MARCHF8: variants seen among roughly 807,000 people sequenced by gnomAD.
The protein encoded by MARCHF8 is E3 ubiquitin-protein ligase MARCHF8.
A neutral mutation model predicts 51.6 loss-of-function variants in MARCHF8; 40 were observed. The ratio of observed to expected loss-of-function variants is 0.77; its 90% CI spans 0.60 to 1.01. The LOEUF (loss-of-function observed/expected upper bound fraction) is 1.01, where lower values mean the gene tolerates loss of function less well. MARCHF8 is among the 50% of genes least tolerant of loss of function. The pLI is 0.00. For synonymous variants in MARCHF8, 263 were observed against 280.3 expected (o/e 0.94, Z 0.62); for missense variants, 685 against 708.6 (o/e 0.97, Z 0.38).
intron 2 of MARCHF8, among the ~76,000 whole-genome samples, chr10:45,507,139 G>A (rs12764485): frequency 0.062 from 9,368 of 152,180 alleles, 327 homozygotes; most frequent in Non-Finnish European, 0.066. Context: ...AGTTACTTTG[G>A]CTAAAAGTTA....
At chr10:45,536,755 G>A (rs1169170365), upstream of MARCHF8, among the ~76,000 whole-genome samples, 5 of 150,890 alleles carry the variant, frequency 3.3e-5, no homozygotes, top group Admixed American at 1.3e-4. Context: ...CAGCATTTTC[G>A]GAGGCTGAGG....
At chr10:45,585,620 A>G (rs552065195) in intron 1 of MARCHF8, among the ~76,000 whole-genome samples, 1 of 152,338 alleles carries the variant, frequency 6.6e-6, no homozygotes, top group African/African-American at 2.4e-5. Context: ...CTCTGGGAAC[A>G]TAACAGAATG....
chr10:45,529,542 G>A (rs12775527), intron 2 of MARCHF8, among the ~76,000 whole-genome samples: 8,486 of 152,176 alleles, frequency 0.056, 288 homozygotes, highest in Non-Finnish European at 0.066. Context: ...ACAATCTACA[G>A]AACAGGAGAA....
chr10:45,495,116 A>G (rs2043149239), intron 2 of MARCHF8, among the ~76,000 whole-genome samples: 1 of 151,076 alleles, frequency 6.6e-6, no homozygotes, highest in Admixed American at 6.6e-5. Context: ...GCAAAACTCC[A>G]TCTCAAAAAA....
At chr10:45,512,215 G>A (rs1396414254) in intron 2 of MARCHF8, among the ~76,000 whole-genome samples, 6 of 149,872 alleles carry the variant, frequency 4.0e-5, no homozygotes, top group African/African-American at 9.9e-5. Context: ...CAACCGCCCC[G>A]TCTGAGAAGT....
chr10:45,528,029 G>C (rs778658402), intron 2 of MARCHF8, among the ~76,000 whole-genome samples: 4 of 152,084 alleles, frequency 2.6e-5, no homozygotes, highest in Non-Finnish European at 5.9e-5. Context: ...TACAGAAAAA[G>C]CATTTGATAA....
At chr10:45,525,079 G>A (rs970136358) in intron 2 of MARCHF8, among the ~76,000 whole-genome samples, 2 of 152,210 alleles carry the variant, frequency 1.3e-5, no homozygotes, top group African/African-American at 4.8e-5. Context: ...TAAAAGTGTG[G>A]TGATTCTGTC....
At chr10:45,553,833 G>GCACA (rs10597890) in intron 1 of MARCHF8, among the ~76,000 whole-genome samples, 48 of 150,832 alleles carry the variant, frequency 3.2e-4, no homozygotes, top group Admixed American at 1.3e-3. Flanking sequence ...GCATGGACAT[G>GCACA]CACACACACA....
chr10:45,564,811 A>C (rs936700940), intron 1 of MARCHF8, among the ~76,000 whole-genome samples: 7 of 152,088 alleles, frequency 4.6e-5, no homozygotes, highest in Non-Finnish European at 8.8e-5. Flanking sequence ...TCAGAAAAAG[A>C]AGCCAGGAAG....
At chr10:45,542,876 A>C (rs1221121608) in intron 1 of MARCHF8, among the ~76,000 whole-genome samples, 7 of 152,230 alleles carry the variant, frequency 4.6e-5, no homozygotes, top group Non-Finnish European at 8.8e-5. Flanking sequence ...GATAATAAAT[A>C]AAGAGGTTAC....
chr10:45,464,611 G>T (rs150285898), intron 3 of MARCHF8, among the ~76,000 whole-genome samples: 34 of 152,332 alleles, frequency 2.2e-4, no homozygotes, highest in African/African-American at 6.3e-4. Flanking sequence ...TCTAAATTGA[G>T]TTAGTTCATA....
intron 2 of MARCHF8, among the ~76,000 whole-genome samples, chr10:45,526,418 G>A (rs1190550246): frequency 2.0e-5 from 3 of 152,110 alleles, no homozygotes; most frequent in African/African-American, 2.4e-5. Flanking sequence ...CTTGACCCTC[G>A]CAGGTCTCCA....
At chr10:45,574,560 T>A (rs2044467906) in intron 1 of MARCHF8, among the ~76,000 whole-genome samples, 1 of 152,180 alleles carries the variant, frequency 6.6e-6, no homozygotes, top group Non-Finnish European at 1.5e-5. Flanking sequence ...ACCTGGGCTG[T>A]ACTGCCACAA....
chr10:45,508,039 T>A (rs967567411), intron 2 of MARCHF8, among the ~76,000 whole-genome samples: 6 of 152,150 alleles, frequency 3.9e-5, no homozygotes, highest in Non-Finnish European at 8.8e-5. Context: ...ACAATGTCCT[T>A]GATTAAATAT....
chr10:45,484,075 T>C lies in MARCHF8; in HGVS notation c.153+5292A>G, dbSNP rs140144695. Among the ~76,000 whole-genome samples the C allele has an allele frequency of 4.4e-3, 670 of 152,252 alleles. 4 individuals are homozygous for C. Among genetic ancestry groups the C allele is most frequent in the African/African-American group, 0.015 (639 of 41,544 alleles). On this transcript the variant is annotated intron_variant, in intron 3 of 7. Transcript: ENST00000453424. ...AGAGGTTTAAATTGTTTCTGACACA[T>C]AGACATGATAAATATTCACAGTGAG... is the stretch of plus-strand genomic sequence containing the variant.
At chr10:45,577,758 G>A (rs886362402) in intron 1 of MARCHF8, among the ~76,000 whole-genome samples, 1 of 152,122 alleles carries the variant, frequency 6.6e-6, no homozygotes, top group Non-Finnish European at 1.5e-5. Context: ...TTTAAAATAA[G>A]TATCTGTAAT....
intron 1 of MARCHF8, among the ~76,000 whole-genome samples, chr10:45,563,586 T>C (rs1340627058): frequency 2.6e-5 from 4 of 151,924 alleles, no homozygotes; most frequent in Non-Finnish European, 4.4e-5. Flanking sequence ...AAAAATCAAG[T>C]GAAAAAACCT....
intron 3 of MARCHF8, among the ~76,000 whole-genome samples, chr10:45,480,288 T>C (rs1373186708): frequency 1.3e-5 from 2 of 152,112 alleles, no homozygotes; most frequent in South Asian, 2.1e-4. Context: ...AGCAGAAAAT[T>C]TGTGGCCTCC....
chr10:45,479,272 G>C (rs898418749), intron 3 of MARCHF8, among the ~76,000 whole-genome samples: 2 of 152,094 alleles, frequency 1.3e-5, no homozygotes, highest in Non-Finnish European at 2.9e-5. Context: ...AAGCAGAAAA[G>C]GCATTTGGTA....
Sources: gnomAD v4.1 joint callset for allele counts (sites outside exome capture counted in the v4.1 genomes callset) on GRCh38, gnomAD v4.1.1 for gene constraint, MANE v1.5 for transcripts, NCBI Gene and HGNC (gene_info 2026-07-23, HGNC 2026-07-21) for gene names.